The following SRGAP1 variants were observed in gnomAD, a reference collection of about 807,000 sequenced individuals.
SRGAP1 encodes the protein SLIT-ROBO Rho GTPase-activating protein 1.
Under a neutral mutation model 121.9 loss-of-function variants are expected in SRGAP1, and 43 were observed. That is an observed-to-expected ratio of 0.35 (90% CI 0.28 to 0.46). The LOEUF (loss-of-function observed/expected upper bound fraction) is 0.46, where lower values mean the gene tolerates loss of function less well. SRGAP1 is among the 20% of genes least tolerant of loss of function. The pLI is 1.00. For missense variants in SRGAP1, 1,102 were observed against 1,350.9 expected (o/e 0.82, Z 2.89); for synonymous variants, 447 against 485.4 (o/e 0.92, Z 1.04).
chr12:63,897,693 ACTTAG>A (rs1900799584), intron 1 of SRGAP1, among the ~76,000 whole-genome samples: 1 of 152,296 alleles, frequency 6.6e-6, no homozygotes, highest in African/African-American at 2.4e-5. Context: ...GTGCCTCTCA[ACTTAG>A]TAAAATGTTT....
rs1324051232 is a variant in SRGAP1 at position 63,983,830 on chromosome 12, ATATATATATATATATATATATATATT to A, written c.68-107_68-82del. ...TATATATATATATATATATATATATATATATATATATATATATATATATATTTATATATATTTCGTGACTTATATCT... is the reference window on the plus strand; with the variant it reads ...TATATATATATATATATATATATATATATATATATTTCGTGACTTATATCT... On this transcript the variant is annotated intron_variant, in intron 1 of 21. Transcript: ENST00000355086. 9.0e-4 allele frequency: 83 copies of A among 92,292 alleles called. 2 individuals carry two copies. The highest frequency in any genetic ancestry group is 1.3e-3 in the Admixed American group (12 of 9,110). The allele number at this position is 92,292 out of a possible 1,614,324, so 5.7% of individuals were successfully genotyped here. A position where few individuals can be genotyped will look rare whatever the true frequency, so the allele number is the denominator to read the frequency against.
intron 1 of SRGAP1, among the ~76,000 whole-genome samples, chr12:63,915,818 G>C (rs1288962764): frequency 1.3e-5 from 2 of 152,150 alleles, no homozygotes; most frequent in East Asian, 3.9e-4. Context: ...TCTCAGAACA[G>C]AAACTCAGCT....
At chr12:64,009,919 G>A (rs1195214414) in intron 3 of SRGAP1, among the ~76,000 whole-genome samples, 3 of 152,136 alleles carry the variant, frequency 2.0e-5, no homozygotes, top group African/African-American at 7.2e-5. Flanking sequence ...CCAGAAACTT[G>A]GTTCAGGCCA....
At position 64,097,229 on chromosome 12, in the gene SRGAP1, T is replaced by C. The variant is rs761153422; in HGVS notation, c.1679-12T>C. ...GCACTGTTAATGTAATGAGTTTTTT[T>C]TTTTTTTTTAGGTGAAAATCCTTTG... On this transcript the variant is annotated splice_polypyrimidine_tract_variant and intron_variant, in intron 14 of 21. Coordinates refer to ENST00000355086, the MANE Select transcript of SRGAP1 (RefSeq NM_020762.4). 1 of 1,569,150 alleles carries C rather than the reference T, an allele frequency of 6.4e-7. No individual in the cohort carries two copies. The highest frequency in any genetic ancestry group is 1.2e-5 in the South Asian group (1 of 83,478).
intron 15 of SRGAP1, among the ~76,000 whole-genome samples, chr12:64,102,035 A>G (rs976210239): frequency 8.5e-5 from 13 of 152,246 alleles, no homozygotes; most frequent in Admixed American, 7.9e-4. Context: ...ACTGGCATGT[A>G]CACATTTTGT....
Position 64,128,178 on chromosome 12 carries a change from T to C in SRGAP1, c.2858T>C (p.Leu953Pro), listed in dbSNP as rs1200646453. Residue 953 changes from leucine (L) to proline (P), a missense_variant, in exon 21 of 22, where the codon CTG (leucine) becomes CCG (proline). Leu to Pro is a moderately conservative substitution (Grantham distance 98). Coordinates refer to ENST00000355086, the MANE Select transcript of SRGAP1 (RefSeq NM_020762.4). ...QYTGFNDHKP[L>P]DPETIAQDIE... The stretch of plus-strand genomic sequence containing the variant: ...ACGGGCTTCAATGACCACAAGCCAC[T>C]GGACCCAGAGACAATTGCTCAGGTA... 1.7e-5 allele frequency: 27 copies of C among 1,611,558 alleles called. No individual in the cohort carries two copies. The highest frequency in any genetic ancestry group is 2.2e-5 in the Non-Finnish European group (26 of 1,177,984).
rs538880085 is a variant in SRGAP1, at chr12:63,996,590, G to A, written c.426+6518G>A. ...TCATGTACAAACAGGTCATATATTC[G>A]CTGAAAAATTAATTGGCTTTTATTA... On this transcript the variant is annotated intron_variant, in intron 3 of 21. Transcript: ENST00000355086. 6.6e-5 allele frequency among the ~76,000 whole-genome samples: 10 copies of A among 152,132 alleles called. No individual in the cohort carries two copies. In the South Asian group the frequency reaches 1.5e-3, roughly 22 times the overall value.
chr12:63,984,040 G>A lies in SRGAP1; in HGVS notation c.161G>A (p.Arg54Gln), dbSNP rs1483422708. The change falls in exon 2 of 22, where the codon CGA (arginine) becomes CAA (glutamine). Residue 54 changes from arginine (R) to glutamine (Q), a missense_variant. By Grantham distance (43) the Arg-to-Gln change is conservative (BLOSUM62 1). Coordinates refer to ENST00000355086, the MANE Select transcript of SRGAP1 (RefSeq NM_020762.4). ...CTCCAGGATCTGCAAGATTTCTTCCGAAAAAAAGCTGAAATTGAGACGGAA... is the reference window on the plus strand; with the variant it reads ...CTCCAGGATCTGCAAGATTTCTTCCAAAAAAAAGCTGAAATTGAGACGGAA... ...QLLQDLQDFF[R>Q]KKAEIETEYS... The A allele has an allele frequency of 4.5e-6, 7 of 1,562,996 alleles. No homozygotes were observed. The highest frequency in any genetic ancestry group is 1.4e-5 in the African/African-American group (1 of 73,176).
chr12:64,137,961 A>ATATATATAT (rs1555177364), intron 21 of SRGAP1, among the ~76,000 whole-genome samples: 57 of 139,676 alleles, frequency 4.1e-4, no homozygotes, highest in African/African-American at 9.8e-4. Context: ...TTAAAAAAAA[A>ATATATATAT]ATATATATAT....
intron 6 of SRGAP1, among the ~76,000 whole-genome samples, chr12:64,061,998 GCA>G (rs2035458811): frequency 6.7e-6 from 1 of 148,908 alleles, no homozygotes; most frequent in Non-Finnish European, 1.5e-5. Flanking sequence ...ACATTTGTGT[GCA>G]CATTTTTAGG....
rs1202985944 is a variant in SRGAP1 at position 64,091,419 on chromosome 12, C to A, written c.1539+41C>A. On this transcript the variant is annotated intron_variant, in intron 12 of 21. Transcript: ENST00000355086. The stretch of plus-strand genomic sequence containing the variant: ...ATCTGGGTGGCTGATCTCCATGCTT[C>A]TTACTATAATGGTCTCAGCCTCTTG... 4 of 1,457,746 alleles carry A rather than the reference C, an allele frequency of 2.7e-6. No individual in the cohort carries two copies. The South Asian group carries it at 4.8e-5, about 18-fold the overall frequency. 90.3% of individuals were successfully genotyped at this position (1,457,746 alleles called of 1,614,324 possible). A position where few individuals can be genotyped will look rare whatever the true frequency, so the allele number is the denominator to read the frequency against.
chr12:64,032,590 GC>G, intron 4 of SRGAP1: 6 of 643,570 alleles, frequency 9.3e-6, no homozygotes, highest in South Asian at 4.2e-5. Context: ...CATAAGTCCT[GC>G]CCCCGACAGC....
intron 3 of SRGAP1, among the ~76,000 whole-genome samples, chr12:64,008,047 T>C (rs764026432): frequency 1.3e-5 from 2 of 152,196 alleles, no homozygotes; most frequent in Non-Finnish European, 2.9e-5. Context: ...ATAATACTTA[T>C]GGAATGCTTA....
At chr12:63,913,001 A>G (rs1160631519) in intron 1 of SRGAP1, among the ~76,000 whole-genome samples, 1 of 152,062 alleles carries the variant, frequency 6.6e-6, no homozygotes, top group Non-Finnish European at 1.5e-5. Flanking sequence ...TTGAAATTTC[A>G]TCAAATAGGG....
intron 1 of SRGAP1, among the ~76,000 whole-genome samples, chr12:63,943,683 T>C (rs1241689140): frequency 1.3e-5 from 2 of 152,094 alleles, no homozygotes; most frequent in Admixed American, 6.6e-5. Context: ...CAAAGGTGAT[T>C]GGTTTGCAAT....
intron 4 of SRGAP1, among the ~76,000 whole-genome samples, chr12:64,042,083 G>A (rs1222841548): frequency 6.6e-6 from 1 of 151,678 alleles, no homozygotes; most frequent in Non-Finnish European, 1.5e-5. Flanking sequence ...TTTTAGTAGA[G>A]ACAGGATTTC....
chr12:64,094,394 TATGA>T (rs1432705442), intron 12 of SRGAP1, among the ~76,000 whole-genome samples: 20 of 152,204 alleles, frequency 1.3e-4, no homozygotes, highest in African/African-American at 4.8e-4. Flanking sequence ...TATGACAATG[TATGA>T]ATGAAAAATC....
chr12:63,977,029 C>G (rs2033112428), intron 1 of SRGAP1, among the ~76,000 whole-genome samples: 1 of 151,004 alleles, frequency 6.6e-6, no homozygotes, highest in South Asian at 2.1e-4. Context: ...TCAGTTGATT[C>G]ACTTAAAAAA....
chr12:64,034,092 C>T (rs748655017), intron 4 of SRGAP1, among the ~76,000 whole-genome samples: 80 of 152,210 alleles, frequency 5.3e-4, no homozygotes, highest in Non-Finnish European at 7.6e-4. Context: ...GGTTTGGCTC[C>T]GTGTCCCCAA....
Sources: gnomAD v4.1 joint callset for allele counts (sites outside exome capture counted in the v4.1 genomes callset) on GRCh38, gnomAD v4.1.1 for gene constraint, MANE v1.5 for transcripts, NCBI Gene and HGNC (gene_info 2026-07-23, HGNC 2026-07-21) for gene names.